Variants in CRYBG3 observed in about 807,000 individuals in gnomAD.
CRYBG3 encodes crystallin beta-gamma domain containing 3.
CRYBG3 carries 127 observed loss-of-function variants against 244.2 expected under a neutral mutation model. The ratio of observed to expected loss-of-function variants is 0.52; its 90% CI spans 0.45 to 0.60. The LOEUF (loss-of-function observed/expected upper bound fraction) is 0.60. CRYBG3 is among the 20% of genes least tolerant of loss of function. The pLI is 0.00. For missense variants in CRYBG3, 3,325 were observed against 3,442.5 expected, an observed-to-expected ratio of 0.97 and a Z score of 0.85; for synonymous variants, 1,132 against 1,195.8, an observed-to-expected ratio of 0.95 and a Z score of 1.10.
chr3:97,822,183 C>G lies in CRYBG3; in HGVS notation c.-24C>G, dbSNP rs1457364237. The G allele has an allele frequency of 1.7e-5, 25 of 1,503,502 alleles. No homozygotes were observed. Among genetic ancestry groups the G allele is most frequent in the Admixed American group, 1.0e-4 (5 of 48,460 alleles). 93.1% of individuals were successfully genotyped at this position (1,503,502 alleles called of 1,614,324 possible). On this transcript the variant is annotated 5_prime_UTR_variant, in exon 1 of 22. Coordinates refer to ENST00000389622, the MANE Select transcript of CRYBG3 (RefSeq NM_153605.4). ...CCTAGGCCGTTCCCTTCAGACAGCC[C>G]CGGGCCAGCGGCCCCCTCGGGAAAT...
chr3:97,853,738 A>C (rs2039022775), intron 2 of CRYBG3, among the ~76,000 whole-genome samples: 1 of 152,120 alleles, frequency 6.6e-6, no homozygotes, highest in Non-Finnish European at 1.5e-5. Context: ...TTGATTTTTT[A>C]ATTATGGTCA....
chr3:97,909,703 G>A (rs1454752553), intron 15 of CRYBG3, among the ~76,000 whole-genome samples: 5 of 151,632 alleles, frequency 3.3e-5, no homozygotes, highest in Admixed American at 6.6e-5. Context: ...ATGTCCTCCC[G>A]TAGCTCAGAG....
intron 15 of CRYBG3, 29 bp from the exon 16 acceptor site, chr3:97,912,138 A>T (rs377645617): frequency 4.8e-6 from 6 of 1,238,798 alleles, no homozygotes; most frequent in Admixed American, 4.6e-5. Flanking sequence ...TTTTTTTTCT[A>T]TTTAACTGTT....
chr3:97,871,083 C>T (rs965983806), intron 3 of CRYBG3, among the ~76,000 whole-genome samples: 2 of 152,004 alleles, frequency 1.3e-5, no homozygotes, highest in Non-Finnish European at 2.9e-5. Flanking sequence ...GATAGTATGG[C>T]GTGATGTGAG....
intron 18 of CRYBG3, among the ~76,000 whole-genome samples, chr3:97,935,514 A>G (rs1270090420): frequency 2.0e-5 from 3 of 152,012 alleles, no homozygotes; most frequent in Non-Finnish European, 2.9e-5. Context: ...AGGTTGAGTC[A>G]GTCATCCCTA....
intron 17 of CRYBG3, among the ~76,000 whole-genome samples, chr3:97,927,186 C>A (rs1384424730): frequency 2.0e-5 from 3 of 151,972 alleles, no homozygotes; most frequent in African/African-American, 7.2e-5. Context: ...GCTACAGTAA[C>A]CAAAACAGCA....
rs978897022 is a variant in CRYBG3, at chr3:97,876,001, G to A, written c.4807G>A (p.Glu1603Lys). Residue 1603 changes from glutamate (E) to lysine (K), a missense_variant, in exon 4 of 22, where the codon GAG (glutamate) becomes AAG (lysine). Around this residue, in one of 4 missense-constraint regions of CRYBG3, gnomAD observed 635 missense variants for 771.7 expected, o/e 0.82. Transcript: ENST00000389622. Reference protein sequence around the residue: ...KMGEVYQMDAESCIEKTEGSA... With the variant: ...KMGEVYQMDAKSCIEKTEGSA... ...GGGAGAAGTATACCAAATGGATGCC[G>A]AGAGCTGTATTGAAAAAACTGAGGG... 1.9e-5 allele frequency: 24 copies of A among 1,231,916 alleles called. No homozygotes were observed. Among genetic ancestry groups the A allele is most frequent in the East Asian group, 3.2e-5 (1 of 31,700 alleles). The allele number at this position is 1,231,916 out of a possible 1,614,324, so 76.3% of individuals were successfully genotyped here.
At chr3:97,868,157 G>T (rs1362918072) in intron 3 of CRYBG3, among the ~76,000 whole-genome samples, 1 of 151,986 alleles carries the variant, frequency 6.6e-6, no homozygotes, top group African/African-American at 2.4e-5. Context: ...GGTGGTGGGT[G>T]CCTGTAGTCC....
chr3:97,924,204 G>A (rs1292791212), intron 17 of CRYBG3: 1 of 334,576 alleles, frequency 3.0e-6, no homozygotes, highest in Non-Finnish European at 5.7e-6. Context: ...AATAAATGGT[G>A]TTGAGACAAT....
intron 6 of CRYBG3, 106 bp from the exon 7 acceptor site, chr3:97,880,966 G>A: frequency 1.3e-6 from 1 of 782,280 alleles, no homozygotes; most frequent in Non-Finnish European, 1.9e-6. Context: ...AATAGTGGAA[G>A]ATATCCCAGC....
intron 15 of CRYBG3, among the ~76,000 whole-genome samples, chr3:97,908,995 C>T (rs555789536): frequency 3.9e-5 from 6 of 151,968 alleles, no homozygotes; most frequent in South Asian, 4.2e-4. Flanking sequence ...TTTATTTCTC[C>T]TTCACTTATG....
At chr3:97,901,538 ATTGAG>A (rs769984141) in intron 15 of CRYBG3, among the ~76,000 whole-genome samples, 1 of 152,188 alleles carries the variant, frequency 6.6e-6, no homozygotes, top group Non-Finnish European at 1.5e-5. Flanking sequence ...TCTGAATATA[ATTGAG>A]TTGTTGTATT....
At chr3:97,826,408 GT>G (rs1431986097) in intron 1 of CRYBG3, among the ~76,000 whole-genome samples, 10 of 152,096 alleles carry the variant, frequency 6.6e-5, no homozygotes, top group African/African-American at 2.2e-4. Flanking sequence ...ACATTTTTAA[GT>G]TTTTTTACTC....
intron 17 of CRYBG3, among the ~76,000 whole-genome samples, chr3:97,923,187 A>T (rs1410535056): frequency 1.3e-5 from 2 of 152,156 alleles, no homozygotes; most frequent in Middle Eastern, 3.4e-3. Flanking sequence ...AGGACCTGTC[A>T]TGGGGTTGGG....
At chr3:97,865,009 T>G (rs2039207730) in intron 3 of CRYBG3, among the ~76,000 whole-genome samples, 1 of 152,194 alleles carries the variant, frequency 6.6e-6, no homozygotes, top group South Asian at 2.1e-4. Context: ...ATATCTTTGT[T>G]CTGTAAAATT....
rs769357636 is a variant in CRYBG3 at position 97,874,893 on chromosome 3, A to G, written c.3699A>G (p.Ile1233Met). The change falls in exon 4 of 22, where the codon ATA (isoleucine) becomes ATG (methionine). Residue 1233 changes from isoleucine to methionine, a missense_variant. Coordinates refer to ENST00000389622, the MANE Select transcript of CRYBG3 (RefSeq NM_153605.4). ...TCQEHIAIEG[I>M]MNLGTLKEDI... The stretch of plus-strand genomic sequence containing the variant: ...AGGAGCATATAGCCATAGAAGGTAT[A>G]ATGAATCTGGGTACCCTGAAAGAAG... 4 of 1,535,004 alleles carry G rather than the reference A, an allele frequency of 2.6e-6. No individual in the cohort carries two copies. Among genetic ancestry groups the G allele is most frequent in the Non-Finnish European group, 3.5e-6 (4 of 1,146,580 alleles).
chr3:97,905,050 A>G (rs2039754665), intron 15 of CRYBG3, among the ~76,000 whole-genome samples: 1 of 152,138 alleles, frequency 6.6e-6, no homozygotes, highest in Admixed American at 6.5e-5. Flanking sequence ...AATTTCATCC[A>G]TGTCCCTACA....
At position 97,888,381 on chromosome 3, in the gene CRYBG3, A is replaced by G. The variant is rs2039533714; in HGVS notation, c.7330A>G (p.Thr2444Ala). Residue 2444 changes from threonine to alanine, a missense_variant, in exon 9 of 22, where the codon ACA becomes GCA. By Grantham distance (58) the Thr-to-Ala change is moderately conservative (BLOSUM62 0). Coordinates refer to ENST00000389622, the MANE Select transcript of CRYBG3 (RefSeq NM_153605.4). ...AGATATTAATTTTAAGGGACAAGCT[A>G]CAGTTCTGGAGGAAGACCATGGGCT... is the stretch of plus-strand genomic sequence containing the variant. ...YPDINFKGQA[T>A]VLEEDHGLFE... The G allele has an allele frequency of 1.2e-6, 2 of 1,612,694 alleles. No homozygotes were observed. The highest frequency in any genetic ancestry group is 1.1e-5 in the South Asian group (1 of 90,958).
At chr3:97,884,051 G>T (rs1169595746) in intron 7 of CRYBG3, among the ~76,000 whole-genome samples, 1 of 151,964 alleles carries the variant, frequency 6.6e-6, no homozygotes, top group African/African-American at 2.4e-5. Context: ...GTGTGAGACA[G>T]TTAGTTACGT....
Sources: allele counts gnomAD v4.1 joint callset (sites outside exome capture counted in the v4.1 genomes callset), GRCh38; gene constraint gnomAD v4.1.1; regional missense constraint gnomAD v4.1.1; transcripts MANE v1.5; gene names NCBI Gene and HGNC (gene_info 2026-07-23, HGNC 2026-07-21).